The following GALNT13 variants were observed in gnomAD, a reference collection of about 807,000 sequenced individuals.
GALNT13 encodes UDP-GalNAc:polypeptide N-acetylgalactosaminyltransferase 13.
GALNT13 carries 28 observed loss-of-function variants against 64.2 expected under a neutral mutation model. That is an observed-to-expected ratio of 0.44 (90% CI 0.32 to 0.60). GALNT13 has a LOEUF of 0.60. Ranked by LOEUF, GALNT13 falls within the 20% of genes least tolerant of loss-of-function variation. The pLI, the probability that GALNT13 is intolerant of heterozygous loss-of-function variation, is 0.05. For synonymous variants in GALNT13, 214 were observed against 224.6 expected (o/e 0.95, Z 0.42); for missense variants, 577 against 669.8 (o/e 0.86, Z 1.53).
At chr2:153,848,350 G>A in the GALNT13 span, among the ~76,000 whole-genome samples, 3 of 152,126 alleles carry the variant, frequency 2.0e-5, no homozygotes, top group East Asian at 5.8e-4. Context: ...GGGATACAAG[G>A]GAATTTACAC....
At chr2:153,920,761 T>G (rs1180914537) in intron 2 of GALNT13, among the ~76,000 whole-genome samples, 1 of 151,898 alleles carries the variant, frequency 6.6e-6, no homozygotes, top group Non-Finnish European at 1.5e-5. Flanking sequence ...TCCAGAATCT[T>G]TGAGGAACTT....
chr2:153,988,143 A>C (rs1694927691), intron 3 of GALNT13, among the ~76,000 whole-genome samples: 1 of 151,628 alleles, frequency 6.6e-6, no homozygotes, highest in Non-Finnish European at 1.5e-5. Flanking sequence ...TAACATATTC[A>C]TTGCCTCTTT....
At chr2:153,680,983 C>G in the GALNT13 span, among the ~76,000 whole-genome samples, 6 of 151,926 alleles carry the variant, frequency 3.9e-5, no homozygotes, top group South Asian at 1.2e-3. Context: ...ATCTTCAGGG[C>G]CGTAGGCCAA....
chr2:154,364,675 GT>G (rs1697265039), intron 9 of GALNT13, among the ~76,000 whole-genome samples: 2 of 151,198 alleles, frequency 1.3e-5, no homozygotes, highest in Non-Finnish European at 2.9e-5. Context: ...GTTTTGTTTT[GT>G]TTTGTTTTGT....
At chr2:154,236,218 G>T (rs1573930631) in intron 4 of GALNT13, 1 of 970,598 alleles carries the variant, frequency 1.0e-6, no homozygotes, top group Non-Finnish European at 1.3e-6. Context: ...AACACACAAA[G>T]AGATGTTAAC....
chr2:154,123,556 A>G (rs1262801858), intron 3 of GALNT13, among the ~76,000 whole-genome samples: 2 of 152,022 alleles, frequency 1.3e-5, no homozygotes, highest in South Asian at 4.1e-4. Flanking sequence ...ACATGGCTAA[A>G]ATTAGAATGA....
intron 9 of GALNT13, among the ~76,000 whole-genome samples, chr2:154,329,413 T>G (rs1418455004): frequency 2.0e-5 from 3 of 152,228 alleles, no homozygotes; most frequent in Non-Finnish European, 4.4e-5. Context: ...TGAAATTTTA[T>G]TCTTTATGAT....
rs1471757251 is a variant in GALNT13 at position 154,018,844 on chromosome 2, AGAGGAG to A, written c.142+74215_142+74220del. Among the ~76,000 whole-genome samples, 14 of 151,316 alleles carry A rather than the reference AGAGGAG, an allele frequency of 9.3e-5. No homozygotes were observed. The South Asian group carries it at 2.9e-3, about 32-fold the overall frequency. ...GATGGAAGATGGTAGAAAGGATGAG[AGAGGAG>A]GAGGAGGAGAGACAAGAAGAGGGGA... On this transcript the variant is annotated intron_variant, in intron 3 of 12. Coordinates refer to ENST00000392825, the MANE Select transcript of GALNT13 (RefSeq NM_052917.4).
chr2:153,916,927 G>A (rs1689390759), intron 2 of GALNT13, among the ~76,000 whole-genome samples: 1 of 152,150 alleles, frequency 6.6e-6, no homozygotes, highest in South Asian at 2.1e-4. Context: ...GTCTATGATA[G>A]CAGCACTTTA....
At chr2:153,072,358 C>T in the GALNT13 span, among the ~76,000 whole-genome samples, 6 of 152,156 alleles carry the variant, frequency 3.9e-5, no homozygotes, top group Admixed American at 3.9e-4. Context: ...GGCCTAAGAG[C>T]CCTGACCATT....
At chr2:153,119,180 A>G in the GALNT13 span, among the ~76,000 whole-genome samples, 2 of 152,112 alleles carry the variant, frequency 1.3e-5, no homozygotes, top group Admixed American at 1.3e-4. Flanking sequence ...TTCCTTTATA[A>G]ATGACCCAGT....
At chr2:153,087,460 C>T in the GALNT13 span, among the ~76,000 whole-genome samples, 1 of 151,952 alleles carries the variant, frequency 6.6e-6, no homozygotes, top group Non-Finnish European at 1.5e-5. Flanking sequence ...ATATTCTTCC[C>T]TGGTTTTGCT....
At chr2:153,474,566 G>A in the GALNT13 span, among the ~76,000 whole-genome samples, 1 of 152,132 alleles carries the variant, frequency 6.6e-6, no homozygotes, top group Non-Finnish European at 1.5e-5. Flanking sequence ...GAGAGAGTGG[G>A]GAGATTCGTA....
rs1008951897 is a variant in GALNT13 at position 154,451,701 on chromosome 2, C to T, written c.*1150C>T. On this transcript the variant is annotated 3_prime_UTR_variant, in exon 13 of 13. Coordinates refer to ENST00000392825, the MANE Select transcript of GALNT13 (RefSeq NM_052917.4). The stretch of plus-strand genomic sequence containing the variant: ...TCAGGCTACATTCACATTTTCTTTT[C>T]TCATCTTAAAACCCTTTATGTTCAA... 6.6e-6 allele frequency: 1 copy of T among 151,986 alleles called. No homozygotes were observed. The highest frequency in any genetic ancestry group is 6.6e-5 in the Admixed American group (1 of 15,230). The allele number at this position is 151,986 out of a possible 1,614,324, so 9.4% of individuals were successfully genotyped here. A position where few individuals can be genotyped will look rare whatever the true frequency, so the allele number is the denominator to read the frequency against.
At chr2:154,288,748 TCC>T (rs1692425475) in intron 8 of GALNT13, among the ~76,000 whole-genome samples, 1 of 152,234 alleles carries the variant, frequency 6.6e-6, no homozygotes, top group Non-Finnish European at 1.5e-5. Context: ...GAGGTGGGTT[TCC>T]ATGGTCTTGC....
chr2:153,754,403 T>C, the GALNT13 span, among the ~76,000 whole-genome samples: 1 of 152,116 alleles, frequency 6.6e-6, no homozygotes, highest in South Asian at 2.1e-4. Flanking sequence ...TTGCAGGTGA[T>C]AAATCCTACC....
At chr2:153,292,455 T>C in the GALNT13 span, among the ~76,000 whole-genome samples, 1 of 152,104 alleles carries the variant, frequency 6.6e-6, no homozygotes, top group Admixed American at 6.6e-5. Context: ...TGGGAAACAG[T>C]AGGAAAAGTA....
At chr2:153,427,866 AT>A in the GALNT13 span, among the ~76,000 whole-genome samples, 16 of 152,138 alleles carry the variant, frequency 1.1e-4, no homozygotes, top group African/African-American at 3.9e-4. Context: ...CTAGAAAATT[AT>A]TTTAGGAAGA....
chr2:153,963,052 G>A (rs893904589), intron 3 of GALNT13, among the ~76,000 whole-genome samples: 5 of 152,136 alleles, frequency 3.3e-5, no homozygotes, highest in Admixed American at 6.5e-5. Context: ...TTTCTTACAC[G>A]TTTGGAGGCT....
Sources: gnomAD v4.1 joint callset for allele counts (sites outside exome capture counted in the v4.1 genomes callset) on GRCh38, gnomAD v4.1.1 for gene constraint, MANE v1.5 for transcripts, NCBI Gene and HGNC (gene_info 2026-07-23, HGNC 2026-07-21) for gene names.